FUBP3: variants seen among roughly 807,000 people sequenced by gnomAD.
The protein encoded by FUBP3 is far upstream element binding protein 3.
A neutral mutation model predicts 85.6 loss-of-function variants in FUBP3; 28 were observed. That is an observed-to-expected ratio of 0.33 (90% CI 0.24 to 0.45). The LOEUF (loss-of-function observed/expected upper bound fraction) is 0.45, where lower values mean the gene tolerates loss of function less well. Among genes scored for constraint, FUBP3 ranks in the 20% least tolerant of loss-of-function variants. The pLI is 1.00. For synonymous variants in FUBP3, 271 were observed against 271.4 expected, an observed-to-expected ratio of 1.00 and a Z score of 0.01; for missense variants, 583 against 755.1, an observed-to-expected ratio of 0.77 and a Z score of 2.67.
chr9:130,598,455 T>A (rs947981347), intron 2 of FUBP3, among the ~76,000 whole-genome samples: 1 of 152,214 alleles, frequency 6.6e-6, no homozygotes, highest in Non-Finnish European at 1.5e-5. Context: ...ACACTGTCCG[T>A]TAGTGAGGTG....
Position 130,613,105 on chromosome 9 carries a change from T to C in FUBP3, c.346+78T>C, listed in dbSNP as rs561715759. 5 of 889,996 alleles carry C rather than the reference T, an allele frequency of 5.6e-6. No individual in the cohort carries two copies. The Admixed American group carries it at 9.3e-5, about 17-fold the overall frequency. The allele number at this position is 889,996 out of a possible 1,614,324, so 55.1% of individuals were successfully genotyped here. On this transcript the variant is annotated intron_variant, in intron 5 of 18. Transcript: ENST00000319725. ...AAACTTTCCAGATTCGGTACTTTGCTTGTTGCTTGGGTAAGTATATGCGAT... is the reference window on the plus strand; with the variant it reads ...AAACTTTCCAGATTCGGTACTTTGCCTGTTGCTTGGGTAAGTATATGCGAT...
intron 9 of FUBP3, among the ~76,000 whole-genome samples, chr9:130,622,406 C>T (rs1028575818): frequency 8.0e-5 from 12 of 149,666 alleles, no homozygotes; most frequent in African/African-American, 2.0e-4. Context: ...CCGAGGTGGG[C>T]GGATCACCTG....
intron 2 of FUBP3, among the ~76,000 whole-genome samples, chr9:130,602,184 A>G (rs1394215206): frequency 6.6e-6 from 1 of 152,172 alleles, no homozygotes; most frequent in African/African-American, 2.4e-5. Context: ...ATGTATAGGA[A>G]AAAATGTAGC....
In FUBP3 at chr9:130,616,557, A is replaced by G. The variant is rs574390222; in HGVS notation, c.567+40A>G. ...AGCACGGAGCACAGCGGCCGCTCGC[A>G]GCAGGTCTTCAGCTTCCTGGCCCAG... On this transcript the variant is annotated intron_variant, in intron 7 of 18. Transcript: ENST00000319725. This position sits in a 1 kb window ranked among gnomAD's most constrained non-coding sequence, Gnocchi z 4.7. 36 of 1,601,220 alleles carry G rather than the reference A, an allele frequency of 2.2e-5. No individual in the cohort carries two copies. The highest frequency in any genetic ancestry group is 2.9e-5 in the Non-Finnish European group (34 of 1,169,244).
At chr9:130,610,765 C>T (rs924987747) in intron 3 of FUBP3, among the ~76,000 whole-genome samples, 2 of 152,146 alleles carry the variant, frequency 1.3e-5, no homozygotes, top group Admixed American at 6.5e-5. Context: ...TGTATTCTGC[C>T]TAGGTGTTTG....
In FUBP3 at chr9:130,628,094, G is replaced by GCGCACACACACACA. The variant is rs1280537209; in HGVS notation, c.1117+1590_1117+1591insGCACACACACACAC. ...CACCGCACTAAACACACGCACGCACGCACGCACGCGCACACACACACACAC... is the reference window on the plus strand; with the variant it reads ...CACCGCACTAAACACACGCACGCACGCGCACACACACACACACGCACGCGCACACACACACACAC... On this transcript the variant is annotated intron_variant, in intron 12 of 18. Transcript: ENST00000319725. Among the ~76,000 whole-genome samples the GCGCACACACACACA allele has an allele frequency of 4.2e-5, 5 of 119,426 alleles. No individual in the cohort carries two copies. The South Asian group carries it at 1.3e-3, about 32-fold the overall frequency. 78.3% of individuals were successfully genotyped at this position (119,426 alleles called of 152,430 possible). A position where few individuals can be genotyped will look rare whatever the true frequency, so the allele number is the denominator to read the frequency against.
At chr9:130,618,628 C>T (rs1832134495) in intron 8 of FUBP3, among the ~76,000 whole-genome samples, 1 of 152,172 alleles carries the variant, frequency 6.6e-6, no homozygotes, top group Non-Finnish European at 1.5e-5. Flanking sequence ...CACAGATCTA[C>T]TTTTTTCTGC....
At chr9:130,605,919 G>A (rs557596538) in intron 2 of FUBP3, among the ~76,000 whole-genome samples, 121 of 152,198 alleles carry the variant, frequency 8.0e-4, no homozygotes, top group Non-Finnish European at 1.3e-3. Context: ...GGGAGGCGGA[G>A]GTTGCAGTGA....
intron 1 of FUBP3, among the ~76,000 whole-genome samples, chr9:130,592,942 A>T (rs1830701273): frequency 6.6e-6 from 1 of 152,116 alleles, no homozygotes; most frequent in Non-Finnish European, 1.5e-5. Flanking sequence ...GCTCCTCACC[A>T]TGACCTGAAA....
chr9:130,615,542 C>T (rs1249813437), intron 6 of FUBP3, among the ~76,000 whole-genome samples: 2 of 151,198 alleles, frequency 1.3e-5, no homozygotes, highest in Non-Finnish European at 2.9e-5. Flanking sequence ...AGAATCAATA[C>T]GAGAAATAAC....
chr9:130,630,927 C>A, intron 13 of FUBP3, 139 bp downstream of exon 13: 1 of 691,360 alleles, frequency 1.4e-6, no homozygotes, highest in Middle Eastern at 3.0e-4. Flanking sequence ...CCCCCTCCTG[C>A]TTTGCCGAAG....
In FUBP3 at chr9:130,601,801, A is replaced by ATTTTTTTTT. The variant is rs113638192; in HGVS notation, c.190+6223_190+6231dup. ...ATGGAAATTTTAGAAATAATTCCTA[A>ATTTTTTTTT]TTTTTTTTTTTTTTTTTTGAGATGG... is the stretch of plus-strand genomic sequence containing the variant. On this transcript the variant is annotated intron_variant, in intron 2 of 18. Transcript: ENST00000319725. Among the ~76,000 whole-genome samples, 111 of 117,354 alleles carry ATTTTTTTTT rather than the reference A, an allele frequency of 9.5e-4. 6 individuals are homozygous for ATTTTTTTTT. The highest frequency in any genetic ancestry group is 4.3e-3 in the East Asian group (15 of 3,524). 77.0% of individuals were successfully genotyped at this position (117,354 alleles called of 152,430 possible). A position where few individuals can be genotyped will look rare whatever the true frequency, so the allele number is the denominator to read the frequency against.
At chr9:130,621,887 A>G (rs1829763271) in intron 9 of FUBP3, among the ~76,000 whole-genome samples, 1 of 152,026 alleles carries the variant, frequency 6.6e-6, no homozygotes, top group Non-Finnish European at 1.5e-5. Flanking sequence ...CCTGGGCGAC[A>G]GAGCAAGACT....
chr9:130,588,935 T>G (rs1229201331), intron 1 of FUBP3, among the ~76,000 whole-genome samples: 3 of 152,196 alleles, frequency 2.0e-5, no homozygotes. Flanking sequence ...CCTCTCTGGG[T>G]GGCTGTGCCG....
intron 9 of FUBP3, among the ~76,000 whole-genome samples, chr9:130,621,486 A>T (rs1035754069): frequency 1.3e-5 from 2 of 152,246 alleles, no homozygotes; most frequent in African/African-American, 2.4e-5. Flanking sequence ...AGTCCAGCCC[A>T]GGTAACAGTG....
Position 130,612,460 on chromosome 9 carries a change from G to A in FUBP3, c.229G>A (p.Val77Ile), listed in dbSNP as rs757982354. Residue 77 changes from valine (V) to isoleucine (I), a missense_variant, in exon 4 of 19, where the codon GTA (valine) becomes ATA (isoleucine). By Grantham distance (29) the Val-to-Ile change is conservative. Coordinates refer to ENST00000319725, the MANE Select transcript of FUBP3 (RefSeq NM_003934.2). The surrounding 1 kb of genome is among the most constrained non-coding windows in gnomAD (Gnocchi z 4.1). The stretch of plus-strand genomic sequence containing the variant: ...CAAAATGTTCTTTGTTTTTAGGACG[G>A]TAATAACGGAAGAATTCAAAGTGCC... ...QLGALVHQRTVITEEFKVPDK... is the reference protein window; with the variant it reads ...QLGALVHQRTIITEEFKVPDK... The A allele has an allele frequency of 6.3e-7, 1 of 1,594,426 alleles. No individual in the cohort carries two copies. Among genetic ancestry groups the A allele is most frequent in the South Asian group, 1.1e-5 (1 of 89,938 alleles).
chr9:130,609,922 T>C, intron 2 of FUBP3, 32 bp from the exon 3 acceptor site: 2 of 1,575,326 alleles, frequency 1.3e-6, no homozygotes, highest in Middle Eastern at 1.7e-4. Flanking sequence ...GCTAATGCTT[T>C]GATTTTTTTT....
chr9:130,628,257 C>T (rs1830073578), intron 12 of FUBP3, among the ~76,000 whole-genome samples: 1 of 152,238 alleles, frequency 6.6e-6, no homozygotes, highest in Non-Finnish European at 1.5e-5. Flanking sequence ...CACAGAGCCT[C>T]CCTGGCCCCT....
chr9:130,615,515 T>G (rs369173891), intron 6 of FUBP3, among the ~76,000 whole-genome samples: 5 of 152,170 alleles, frequency 3.3e-5, no homozygotes, highest in African/African-American at 1.2e-4. Flanking sequence ...AAAAGCAGAT[T>G]GTGTGTGGCA....
Sources: allele counts gnomAD v4.1 joint callset (sites outside exome capture counted in the v4.1 genomes callset), GRCh38; gene constraint gnomAD v4.1.1; non-coding constraint Gnocchi (gnomAD v3.1); transcripts MANE v1.5; gene names NCBI Gene and HGNC (gene_info 2026-07-23, HGNC 2026-07-21).